MCTP1: variants seen among roughly 807,000 people sequenced by gnomAD.
MCTP1 encodes the protein multiple C2 and transmembrane domain-containing protein 1.
Under a neutral mutation model 120.6 loss-of-function variants are expected in MCTP1, and 69 were observed. The observed-to-expected ratio is 0.57, with a 90% CI of 0.47 to 0.70. The LOEUF (loss-of-function observed/expected upper bound fraction) is 0.70. Among genes scored for constraint, MCTP1 ranks in the 30% least tolerant of loss-of-function variants. The probability of loss-of-function intolerance (pLI) is 0.00; values close to 1 mark genes in which losing one functional copy is unlikely to be tolerated. For synonymous variants in MCTP1, 529 were observed against 493.1 expected (o/e 1.07, Z -0.96); for missense variants, 1,203 against 1,248.8 (o/e 0.96, Z 0.55).
chr5:95,155,582 A>C (rs1419822911), intron 1 of MCTP1, among the ~76,000 whole-genome samples: 3 of 152,008 alleles, frequency 2.0e-5, no homozygotes, highest in Admixed American at 2.0e-4. Context: ...TGAAGTCTGT[A>C]ACAAAAAAAA....
At chr5:95,223,888 G>A (rs890543436) in intron 1 of MCTP1, among the ~76,000 whole-genome samples, 1 of 152,126 alleles carries the variant, frequency 6.6e-6, no homozygotes, top group Non-Finnish European at 1.5e-5. Flanking sequence ...GTTTATCTGT[G>A]TGTTTTTTAA....
At chr5:94,904,580 A>G (rs1323874906) in intron 10 of MCTP1, among the ~76,000 whole-genome samples, 1 of 152,200 alleles carries the variant, frequency 6.6e-6, no homozygotes, top group Non-Finnish European at 1.5e-5. Context: ...ATGGCCATTT[A>G]TTATTACTGA....
chr5:95,091,941 A>G (rs755617233), intron 1 of MCTP1, among the ~76,000 whole-genome samples: 5 of 152,232 alleles, frequency 3.3e-5, no homozygotes, highest in African/African-American at 4.8e-5. Context: ...GGAAAGTCTT[A>G]TGAGAAGAAG....
chr5:94,952,144 C>T (rs1820744847), intron 3 of MCTP1, among the ~76,000 whole-genome samples: 2 of 125,736 alleles, frequency 1.6e-5, no homozygotes, highest in Non-Finnish European at 3.2e-5. Flanking sequence ...TGCACTCCAG[C>T]CTGGGTGACA....
intron 17 of MCTP1, among the ~76,000 whole-genome samples, chr5:94,812,896 TTC>T (rs70978132): frequency 0.5 from 72,986 of 146,872 alleles, 20,897 homozygotes; most frequent in Non-Finnish European, 0.68. Context: ...ACCAAAAGCA[TTC>T]TCTCTCTCTC....
At chr5:94,929,916 C>T (rs1385369820) in intron 6 of MCTP1, among the ~76,000 whole-genome samples, 3 of 152,016 alleles carry the variant, frequency 2.0e-5, no homozygotes, top group Non-Finnish European at 4.4e-5. Context: ...ATTCAATATC[C>T]CCATTAAATT....
intron 1 of MCTP1, among the ~76,000 whole-genome samples, chr5:95,162,240 T>C (rs1351269707): frequency 6.6e-6 from 1 of 152,222 alleles, no homozygotes; most frequent in East Asian, 1.9e-4. Context: ...CTCATCTACA[T>C]CTACATCTAT....
chr5:94,879,666 G>C (rs1337647001), intron 12 of MCTP1, among the ~76,000 whole-genome samples: 1 of 152,092 alleles, frequency 6.6e-6, no homozygotes, highest in African/African-American at 2.4e-5. Flanking sequence ...TAACATTGGA[G>C]TAATCAAAGA....
chr5:94,808,721 ACTAT>A (rs915401796), intron 17 of MCTP1, among the ~76,000 whole-genome samples: 1 of 152,162 alleles, frequency 6.6e-6, no homozygotes, highest in Non-Finnish European at 1.5e-5. Flanking sequence ...TGTCAAAAGA[ACTAT>A]CTATCTCTGT....
chr5:94,987,947 CA>C lies in MCTP1; in HGVS notation c.838+29419del, dbSNP rs554857572. 5.1e-3 allele frequency among the ~76,000 whole-genome samples: 771 copies of C among 152,222 alleles called. 4 individuals carry two copies. The highest frequency in any genetic ancestry group is 8.0e-3 in the Non-Finnish European group (547 of 68,002). ...TTCACATGTAATTACATCTCATCATCAAAGTGTATGAAAATTAGAAAGCTGA... is the reference window on the plus strand; with the variant it reads ...TTCACATGTAATTACATCTCATCATCAAGTGTATGAAAATTAGAAAGCTGA... On this transcript the variant is annotated intron_variant, in intron 2 of 22. Coordinates refer to ENST00000515393, the MANE Select transcript of MCTP1 (RefSeq NM_024717.7).
intron 17 of MCTP1, among the ~76,000 whole-genome samples, chr5:94,822,964 G>A (rs1786029007): frequency 1.3e-5 from 2 of 152,080 alleles, no homozygotes; most frequent in African/African-American, 4.8e-5. Flanking sequence ...TTGTCAGATG[G>A]ATAGATTGCA....
rs1398674781 is a variant in MCTP1, at chr5:94,960,646, GC to G, written c.839-7286del. 2.6e-5 allele frequency among the ~76,000 whole-genome samples: 4 copies of G among 152,264 alleles called. No individual in the cohort carries two copies. The East Asian group carries it at 7.7e-4, about 29-fold the overall frequency. ...CTTTTCAAAAGAAGACATTGACGTG[GC>G]CAAGAAACATATGAAAAAAAGCTCA... On this transcript the variant is annotated intron_variant, in intron 2 of 22. Transcript: ENST00000515393.
intron 1 of MCTP1, among the ~76,000 whole-genome samples, chr5:95,200,707 G>A (rs990953370): frequency 6.6e-6 from 1 of 152,216 alleles, no homozygotes; most frequent in Non-Finnish European, 1.5e-5. Context: ...TTAGATAAAA[G>A]TAATAAGTTT....
chr5:95,035,009 A>G (rs1840997513), intron 1 of MCTP1, among the ~76,000 whole-genome samples: 1 of 152,164 alleles, frequency 6.6e-6, no homozygotes, highest in African/African-American at 2.4e-5. Context: ...GCAAATTAAA[A>G]TCACAATAAG....
intron 5 of MCTP1, among the ~76,000 whole-genome samples, chr5:94,934,737 G>GTTT (rs3030499): frequency 0.014 from 1,918 of 136,550 alleles, 56 homozygotes; most frequent in African/African-American, 0.042. Flanking sequence ...AGATAAAGAA[G>GTTT]TTTTTTTTTT....
At chr5:95,198,701 G>A (rs1261698138) in intron 1 of MCTP1, among the ~76,000 whole-genome samples, 1 of 152,098 alleles carries the variant, frequency 6.6e-6, no homozygotes, top group Non-Finnish European at 1.5e-5. Flanking sequence ...AATTTCACGG[G>A]TCTCCAAGCA....
chr5:94,787,748 C>T (rs1305205433), intron 18 of MCTP1, among the ~76,000 whole-genome samples: 1 of 152,072 alleles, frequency 6.6e-6, no homozygotes, highest in African/African-American at 2.4e-5. Flanking sequence ...TTCCGAGTAG[C>T]TGGGACTGCA....
chr5:95,008,391 A>C (rs1360125764), intron 2 of MCTP1, among the ~76,000 whole-genome samples: 1 of 152,114 alleles, frequency 6.6e-6, no homozygotes, highest in African/African-American at 2.4e-5. Flanking sequence ...CTCACTTCTC[A>C]ATTTCATGGT....
intron 1 of MCTP1, among the ~76,000 whole-genome samples, chr5:95,259,562 T>C (rs1758261586): frequency 6.6e-6 from 1 of 152,196 alleles, no homozygotes. Flanking sequence ...TCTTTCCTGC[T>C]TTAATAACAC....
Sources: gnomAD v4.1 joint callset for allele counts (sites outside exome capture counted in the v4.1 genomes callset) on GRCh38, gnomAD v4.1.1 for gene constraint, MANE v1.5 for transcripts, NCBI Gene and HGNC (gene_info 2026-07-23, HGNC 2026-07-21) for gene names.